The following RIMS2 variants were observed in gnomAD, a reference collection of about 807,000 sequenced individuals.
RIMS2 encodes regulating synaptic membrane exocytosis 2, also known as regulating synaptic membrane exocytosis protein 2.
RIMS2 carries 59 observed loss-of-function variants against 174.4 expected under a neutral mutation model. The ratio of observed to expected loss-of-function variants is 0.34; its 90% CI spans 0.27 to 0.42. RIMS2 has a LOEUF of 0.42. Ranked by LOEUF, RIMS2 falls within the 10% of genes least tolerant of loss-of-function variation. The pLI is 1.00. For synonymous variants in RIMS2, 606 were observed against 572.5 expected (o/e 1.06, Z -0.84); for missense variants, 1,620 against 1,666.3 (o/e 0.97, Z 0.48).
In RIMS2 at chr8:103,709,359, A is replaced by G. The variant is rs1013593880; in HGVS notation, c.387+12063A>G. On this transcript the variant is annotated intron_variant, in intron 2 of 23. Coordinates refer to ENST00000504942, the Ensembl canonical transcript of RIMS2. Reference sequence around the variant, plus strand: ...ATGTGGGTTTTTTTTTTTTTTTTGTACTTTTTTCATGTGTGGTATCTTAGG... The same window carrying G: ...ATGTGGGTTTTTTTTTTTTTTTTGTGCTTTTTTCATGTGTGGTATCTTAGG... Among the ~76,000 whole-genome samples, 3 of 64,306 alleles carry G rather than the reference A, an allele frequency of 4.7e-5. No individual in the cohort carries two copies. In the South Asian group the frequency reaches 1.2e-3, roughly 26 times the overall value. 42.2% of individuals were successfully genotyped at this position (64,306 alleles called of 152,430 possible).
At chr8:103,606,718 G>T (rs1308162133) in intron 1 of RIMS2, among the ~76,000 whole-genome samples, 1 of 152,192 alleles carries the variant, frequency 6.6e-6, no homozygotes, top group East Asian at 1.9e-4. Flanking sequence ...AGGATAGTTA[G>T]CTCTTCTTGT....
chr8:103,632,241 GTA>G (rs1313262488), intron 1 of RIMS2, among the ~76,000 whole-genome samples: 1 of 152,162 alleles, frequency 6.6e-6, no homozygotes, highest in Non-Finnish European at 1.5e-5. Context: ...TGCTCATTCA[GTA>G]TAATGTTGGC....
At chr8:104,193,869 T>A (rs995615327) in intron 19 of RIMS2, among the ~76,000 whole-genome samples, 1 of 152,226 alleles carries the variant, frequency 6.6e-6, no homozygotes, top group Non-Finnish European at 1.5e-5. Flanking sequence ...CAAATATTTC[T>A]GATATTAATA....
chr8:104,183,674 A>AT (rs1335616315), intron 19 of RIMS2, among the ~76,000 whole-genome samples: 2 of 151,754 alleles, frequency 1.3e-5, no homozygotes, highest in Non-Finnish European at 1.5e-5. Flanking sequence ...GCAGGTATTC[A>AT]TTTTTTAAAA....
chr8:103,965,782 T>C (rs1315933349), intron 15 of RIMS2, among the ~76,000 whole-genome samples: 1 of 152,106 alleles, frequency 6.6e-6, no homozygotes, highest in African/African-American at 2.4e-5. Context: ...TGTAGGTTTT[T>C]GGTAGATATT....
chr8:104,013,028 G>A (rs756758179), intron 17 of RIMS2, among the ~76,000 whole-genome samples: 2 of 152,008 alleles, frequency 1.3e-5, no homozygotes, highest in African/African-American at 2.4e-5. Flanking sequence ...TATCTTAGTT[G>A]GTATAGTACT....
chr8:103,821,754 T>C (rs2098753318), intron 3 of RIMS2, among the ~76,000 whole-genome samples: 1 of 151,646 alleles, frequency 6.6e-6, no homozygotes, highest in Admixed American at 6.6e-5. Flanking sequence ...GGTATTAACA[T>C]TTTAATTAAC....
At chr8:103,625,411 G>A (rs1267147473) in intron 1 of RIMS2, among the ~76,000 whole-genome samples, 3 of 152,014 alleles carry the variant, frequency 2.0e-5, no homozygotes, top group Non-Finnish European at 2.9e-5. Context: ...AATAAAAAAT[G>A]GATTTAATAA....
At chr8:103,607,560 C>A (rs371333272) in intron 1 of RIMS2, among the ~76,000 whole-genome samples, 3 of 147,812 alleles carry the variant, frequency 2.0e-5, no homozygotes, top group African/African-American at 7.8e-5. Flanking sequence ...CTTGCTAGAT[C>A]GGGGAAATTC....
At chr8:104,123,948 A>C (rs2098406804) in intron 19 of RIMS2, among the ~76,000 whole-genome samples, 2 of 152,292 alleles carry the variant, frequency 1.3e-5, no homozygotes, top group East Asian at 3.9e-4. Flanking sequence ...ATGTGCAATA[A>C]AGCAAAGCTC....
In RIMS2 at chr8:104,216,986, A is replaced by G. The variant is rs146367589; in HGVS notation, c.3335-27930A>G. On this transcript the variant is annotated intron_variant, in intron 19 of 23. Transcript: ENST00000504942. ...TGCATGTGAAGAACTAAAGTAACCT[A>G]TTATCATCATCATTATTATAAAGGG... 2.7e-3 allele frequency among the ~76,000 whole-genome samples: 408 copies of G among 152,356 alleles called. 3 individuals are homozygous for G. The highest frequency in any genetic ancestry group is 9.5e-3 in the African/African-American group (395 of 41,582).
At chr8:103,916,181 T>C (rs1208556478) in intron 7 of RIMS2, among the ~76,000 whole-genome samples, 7 of 152,044 alleles carry the variant, frequency 4.6e-5, no homozygotes, top group Admixed American at 4.6e-4. Flanking sequence ...AGAAATCCCA[T>C]AGAGATAATG....
intron 2 of RIMS2, among the ~76,000 whole-genome samples, chr8:103,753,028 T>C (rs879586449): frequency 6.6e-6 from 1 of 152,092 alleles, no homozygotes; most frequent in African/African-American, 2.4e-5. Flanking sequence ...TCAAAGGGAA[T>C]GCTTCCAGTT....
At chr8:103,985,691 G>A (rs554084407) in intron 16 of RIMS2, among the ~76,000 whole-genome samples, 16 of 152,012 alleles carry the variant, frequency 1.1e-4, no homozygotes, top group African/African-American at 3.6e-4. Flanking sequence ...TCATTGCAAC[G>A]TTAGCCACAA....
chr8:104,157,342 A>C (rs1419854491), intron 19 of RIMS2, among the ~76,000 whole-genome samples: 1 of 152,208 alleles, frequency 6.6e-6, no homozygotes, highest in African/African-American at 2.4e-5. Context: ...ATTGGATTTC[A>C]TATTTTTCTT....
At chr8:104,009,189 T>C (rs1050589005) in intron 17 of RIMS2, among the ~76,000 whole-genome samples, 1 of 151,920 alleles carries the variant, frequency 6.6e-6, no homozygotes, top group East Asian at 1.9e-4. Flanking sequence ...TAATGTTTTC[T>C]AGTATATTTT....
chr8:103,951,604 G>T (rs548221133), intron 14 of RIMS2, among the ~76,000 whole-genome samples: 1 of 152,138 alleles, frequency 6.6e-6, no homozygotes, highest in East Asian at 1.9e-4. Flanking sequence ...TTCACATCCC[G>T]CAGACCAGGA....
chr8:104,135,602 T>C (rs776962974), intron 19 of RIMS2, among the ~76,000 whole-genome samples: 8 of 122,200 alleles, frequency 6.5e-5, no homozygotes, highest in Non-Finnish European at 1.3e-4. Context: ...TGAGACCTTG[T>C]CTCCCAACCT....
chr8:104,211,566 A>AGT (rs1563777881), intron 19 of RIMS2, among the ~76,000 whole-genome samples: 5 of 130,958 alleles, frequency 3.8e-5, no homozygotes, highest in African/African-American at 1.2e-4. Context: ...CCCAATGTGG[A>AGT]ATTTTTTTTT....
Sources: gnomAD v4.1 joint callset for allele counts (sites outside exome capture counted in the v4.1 genomes callset) on GRCh38, gnomAD v4.1.1 for gene constraint, MANE v1.5 for transcripts, NCBI Gene and HGNC (gene_info 2026-07-23, HGNC 2026-07-21) for gene names.